FUT9: variants seen among roughly 807,000 people sequenced by gnomAD.
FUT9 encodes 4-galactosyl-N-acetylglucosaminide 3-alpha-L-fucosyltransferase 9.
FUT9 carries 15 observed loss-of-function variants against 29.7 expected under a neutral mutation model. The observed-to-expected ratio is 0.51, with a 90% CI of 0.34 to 0.78. FUT9 has a LOEUF of 0.78. FUT9 is among the 30% of genes least tolerant of loss of function. The pLI is 0.01. For missense variants in FUT9, 319 were observed against 425.4 expected (o/e 0.75, Z 2.20); for synonymous variants, 169 against 153.7 (o/e 1.10, Z -0.74).
intron 2 of FUT9, among the ~76,000 whole-genome samples, chr6:96,194,452 A>G (rs1483452744): frequency 6.6e-6 from 1 of 152,110 alleles, no homozygotes; most frequent in Admixed American, 6.6e-5. Flanking sequence ...CTTAGAAAGA[A>G]ATGTCCGTCT....
chr6:96,069,353 A>G (rs1313638636), intron 1 of FUT9, among the ~76,000 whole-genome samples: 1 of 151,368 alleles, frequency 6.6e-6, no homozygotes, highest in African/African-American at 2.4e-5. Context: ...GAAAAGAATC[A>G]TCTTACCAAG....
chr6:96,034,523 CTTTA>C (rs1479253072), intron 1 of FUT9, among the ~76,000 whole-genome samples: 6 of 151,620 alleles, frequency 4.0e-5, no homozygotes, highest in Non-Finnish European at 7.4e-5. Flanking sequence ...AAATTATTGT[CTTTA>C]TTTAACAATT....
chr6:96,204,164 G>T lies in FUT9; in HGVS notation c.1009G>T (p.Ala337Ser), dbSNP rs1011212540. The change falls in exon 3 of 3, where the codon GCT (alanine) becomes TCT (serine). Residue 337 changes from alanine to serine, a missense_variant. Physicochemically the swap from Ala to Ser is moderately conservative, Grantham distance 99. Transcript: ENST00000302103. ...ATTTTGGGAATCACATGCATGTTTG[G>T]CTTGCGATCATGTGAAAAGGCATCA... ...PRFWESHACL[A>S]CDHVKRHQEY... The T allele has an allele frequency of 3.3e-6, 5 of 1,493,052 alleles. No individual in the cohort carries two copies. The highest frequency in any genetic ancestry group is 2.3e-5 in the Admixed American group (1 of 42,924). The allele number at this position is 1,493,052 out of a possible 1,614,324, so 92.5% of individuals were successfully genotyped here. A position where few individuals can be genotyped will look rare whatever the true frequency, so the allele number is the denominator to read the frequency against.
chr6:96,116,150 A>T (rs1001127123), intron 2 of FUT9, among the ~76,000 whole-genome samples: 3 of 152,216 alleles, frequency 2.0e-5, no homozygotes, highest in African/African-American at 4.8e-5. Flanking sequence ...TTTACCAAAG[A>T]AGATGTATGG....
intron 2 of FUT9, among the ~76,000 whole-genome samples, chr6:96,142,881 T>C (rs1036205273): frequency 1.3e-5 from 2 of 152,092 alleles, no homozygotes; most frequent in African/African-American, 4.8e-5. Context: ...TACATAGGAT[T>C]ATCAAGATTT....
chr6:96,029,671 A>C (rs1770227541), intron 1 of FUT9, among the ~76,000 whole-genome samples: 1 of 151,662 alleles, frequency 6.6e-6, no homozygotes, highest in Non-Finnish European at 1.5e-5. Flanking sequence ...TAAGATATAC[A>C]AAAATTTAAA....
chr6:96,132,283 G>A (rs1164046115), intron 2 of FUT9, among the ~76,000 whole-genome samples: 4 of 104,986 alleles, frequency 3.8e-5, no homozygotes, highest in Admixed American at 2.5e-4. Context: ...AAAACTGACC[G>A]AAAAACAAAG....
intron 2 of FUT9, among the ~76,000 whole-genome samples, chr6:96,172,110 T>C (rs186195507): frequency 1.2e-4 from 19 of 152,176 alleles, no homozygotes; most frequent in Admixed American, 1.0e-3. Context: ...ATCTCTTCTG[T>C]TTGTATCCTC....
At chr6:96,197,451 TG>T (rs1349824685) in intron 2 of FUT9, among the ~76,000 whole-genome samples, 2 of 151,904 alleles carry the variant, frequency 1.3e-5, no homozygotes, top group Non-Finnish European at 1.5e-5. Flanking sequence ...CAAAAGTAAA[TG>T]GCATTTCTCC....
intron 1 of FUT9, among the ~76,000 whole-genome samples, chr6:96,027,949 C>G (rs1018489021): frequency 6.6e-6 from 1 of 151,448 alleles, no homozygotes; most frequent in Non-Finnish European, 1.5e-5. Context: ...TATTTAATAG[C>G]AACATTAACA....
intron 2 of FUT9, among the ~76,000 whole-genome samples, chr6:96,196,968 T>C (rs1296005508): frequency 6.6e-6 from 1 of 152,126 alleles, no homozygotes; most frequent in East Asian, 1.9e-4. Flanking sequence ...AGGGTTCTTG[T>C]TTCTATGACT....
rs537665586 is a variant in FUT9, at chr6:96,094,480, G to A, written c.-97-19559G>A. On this transcript the variant is annotated intron_variant, in intron 1 of 2. Coordinates refer to ENST00000302103, the MANE Select transcript of FUT9 (RefSeq NM_006581.4). ...ACTAAATAAGGAAATTTAAAAAATC[G>A]TATGCTGAGGTTGCAACCTATGATG... Among the ~76,000 whole-genome samples, 48 of 152,194 alleles carry A rather than the reference G, an allele frequency of 3.2e-4. 1 individual carries two copies. In the South Asian group the frequency reaches 8.9e-3, roughly 28 times the overall value.
chr6:96,183,144 A>C (rs1436658642), intron 2 of FUT9, among the ~76,000 whole-genome samples: 1 of 152,010 alleles, frequency 6.6e-6, no homozygotes, highest in African/African-American at 2.4e-5. Context: ...TTCCTTGTAG[A>C]GGTATTTCAC....
chr6:96,191,250 A>G (rs1373707951), intron 2 of FUT9, among the ~76,000 whole-genome samples: 1 of 152,160 alleles, frequency 6.6e-6, no homozygotes, highest in Admixed American at 6.6e-5. Context: ...TGAAGGAAAT[A>G]GAGACACAAA....
chr6:96,191,358 A>G (rs1235700670), intron 2 of FUT9, among the ~76,000 whole-genome samples: 2 of 152,192 alleles, frequency 1.3e-5, no homozygotes, highest in Non-Finnish European at 2.9e-5. Flanking sequence ...AAGAAAAGAG[A>G]GAAGAATCAA....
intron 1 of FUT9, among the ~76,000 whole-genome samples, chr6:96,086,171 C>A (rs1395028736): frequency 6.6e-6 from 1 of 152,170 alleles, no homozygotes; most frequent in East Asian, 1.9e-4. Context: ...GACTTTTCTC[C>A]AGACCGCATA....
At chr6:96,045,113 CT>C (rs1212117535) in intron 1 of FUT9, among the ~76,000 whole-genome samples, 2 of 152,104 alleles carry the variant, frequency 1.3e-5, no homozygotes, top group Non-Finnish European at 2.9e-5. Flanking sequence ...CAGATGAATC[CT>C]TCAGCAGGAC....
intron 1 of FUT9, among the ~76,000 whole-genome samples, chr6:96,020,514 C>G (rs992005635): frequency 6.6e-6 from 1 of 152,020 alleles, no homozygotes; most frequent in African/African-American, 2.4e-5. Flanking sequence ...AAAATCCTGG[C>G]ACTTTTAGCT....
chr6:96,176,852 T>C (rs527545813), intron 2 of FUT9, among the ~76,000 whole-genome samples: 1 of 152,314 alleles, frequency 6.6e-6, no homozygotes, highest in Admixed American at 6.5e-5. Flanking sequence ...TTTGGCGCTA[T>C]GACTTTTCAG....
Sources: allele counts gnomAD v4.1 joint callset (sites outside exome capture counted in the v4.1 genomes callset), GRCh38; gene constraint gnomAD v4.1.1; transcripts MANE v1.5; gene names NCBI Gene and HGNC (gene_info 2026-07-23, HGNC 2026-07-21).